The following FLACC1 variants were observed in gnomAD, a reference collection of about 807,000 sequenced individuals.
FLACC1 encodes the protein flagellum-associated coiled-coil domain-containing protein 1.
In FLACC1, 66 loss-of-function variants were observed where a neutral mutation model predicts 62.8. The ratio of observed to expected loss-of-function variants is 1.05; its 90% CI spans 0.86 to 1.29. The LOEUF is 1.29. Among genes scored for constraint, FLACC1 ranks in the 50% most tolerant of loss-of-function variants. The pLI is 0.00. For synonymous variants in FLACC1, 156 were observed against 161.0 expected (o/e 0.97, Z 0.24); for missense variants, 452 against 489.1 (o/e 0.92, Z 0.71).
chr2:201,310,154 G>A (rs188938225), intron 9 of FLACC1, among the ~76,000 whole-genome samples: 45 of 152,148 alleles, frequency 3.0e-4, no homozygotes, highest in Non-Finnish European at 3.2e-4. Flanking sequence ...GTCCAAGGAC[G>A]CTGACTGCCT....
At chr2:201,308,981 T>C (rs767284529) in intron 10 of FLACC1, among the ~76,000 whole-genome samples, 170 bp downstream of exon 10, 10 of 152,170 alleles carry the variant, frequency 6.6e-5, no homozygotes, top group Non-Finnish European at 1.5e-4. Flanking sequence ...GACCCTACCC[T>C]TGTTGTCATT....
chr2:201,338,764 C>T (rs1457211565), intron 7 of FLACC1, among the ~76,000 whole-genome samples: 2 of 152,026 alleles, frequency 1.3e-5, no homozygotes, highest in South Asian at 2.1e-4. Flanking sequence ...AAGTCCCACT[C>T]GGTCATGGTG....
upstream of FLACC1, among the ~76,000 whole-genome samples, chr2:201,359,292 G>A (rs1951164225): frequency 6.6e-6 from 1 of 152,218 alleles, no homozygotes; most frequent in South Asian, 2.1e-4. Flanking sequence ...TTTTGGATAT[G>A]TTGAGGTGCA....
chr2:201,335,251 A>G (rs1210490197), intron 7 of FLACC1, among the ~76,000 whole-genome samples: 1 of 150,546 alleles, frequency 6.6e-6, no homozygotes, highest in African/African-American at 2.4e-5. Context: ...ATTGATTTTT[A>G]TATTGTTTTT....
intron 11 of FLACC1, among the ~76,000 whole-genome samples, chr2:201,302,059 G>A (rs532223472): frequency 3.3e-5 from 5 of 152,222 alleles, no homozygotes; most frequent in African/African-American, 1.2e-4. Context: ...ACATCATATC[G>A]AGAGGATCAA....
At chr2:201,362,740 T>C in the FLACC1 span, among the ~76,000 whole-genome samples, 2 of 152,212 alleles carry the variant, frequency 1.3e-5, no homozygotes, top group African/African-American at 4.8e-5. Flanking sequence ...GACTCAGGAC[T>C]GAAAGCAGGG....
Position 201,351,414 on chromosome 2 carries a change from T to C in FLACC1, c.-10A>G, listed in dbSNP as rs1951026550. The C allele has an allele frequency of 6.3e-7, 1 of 1,595,922 alleles. No homozygotes were observed. Reference sequence around the variant, plus strand: ...GAGGGTTGGGGTACATGGCCAAAGGTCAGGGGGAGTCTTGGCTGCTAGATC... The same window carrying C: ...GAGGGTTGGGGTACATGGCCAAAGGCCAGGGGGAGTCTTGGCTGCTAGATC... On this transcript the variant is annotated 5_prime_UTR_variant, in exon 2 of 15. Coordinates refer to ENST00000392257, the MANE Select transcript of FLACC1 (RefSeq NM_001127391.3).
chr2:201,296,536 T>A (rs572647899), intron 12 of FLACC1, among the ~76,000 whole-genome samples: 17 of 138,266 alleles, frequency 1.2e-4, no homozygotes, highest in Admixed American at 9.3e-4. Flanking sequence ...GGGGGAGGGA[T>A]AGCATTAGGA....
chr2:201,309,257 A>C lies in FLACC1; in HGVS notation c.676-7T>G. On this transcript the variant is annotated splice_region_variant and splice_polypyrimidine_tract_variant and intron_variant, in intron 9 of 14. Transcript: ENST00000392257. ...TTTCATCATAAATACTGTCCTGGGG[A>C]GGTACAAAGGCACCATGAAGAAAAG... 1 of 1,600,250 alleles carries C rather than the reference A, an allele frequency of 6.2e-7. No individual in the cohort carries two copies. The highest frequency in any genetic ancestry group is 8.6e-7 in the Non-Finnish European group (1 of 1,168,270).
intron 12 of FLACC1, among the ~76,000 whole-genome samples, chr2:201,290,862 C>T (rs1053863566): frequency 2.6e-5 from 4 of 152,330 alleles, no homozygotes; most frequent in African/African-American, 7.2e-5. Context: ...TCTTAGCAAA[C>T]GGCACACCAG....
intron 7 of FLACC1, among the ~76,000 whole-genome samples, chr2:201,339,623 A>G (rs1022727307): frequency 2.6e-5 from 4 of 151,938 alleles, no homozygotes; most frequent in African/African-American, 9.7e-5. Flanking sequence ...TTGTTTCAAG[A>G]AATTTTTTTT....
intron 11 of FLACC1, among the ~76,000 whole-genome samples, chr2:201,300,988 T>A (rs1011959479): frequency 6.6e-6 from 1 of 152,106 alleles, no homozygotes; most frequent in Non-Finnish European, 1.5e-5. Context: ...CAGAGCAGAA[T>A]AGCTGAAAAT....
Position 201,309,220 on chromosome 2 carries a change from A to G in FLACC1, c.706T>C (p.Trp236Arg). 1.2e-6 allele frequency: 2 copies of G among 1,613,938 alleles called. No homozygotes were observed. Among genetic ancestry groups the G allele is most frequent in the Non-Finnish European group, 1.7e-6 (2 of 1,179,890 alleles). Residue 236 changes from tryptophan (W) to arginine (R), a missense_variant, in exon 10 of 15, where the codon TGG (tryptophan) becomes CGG (arginine). Around this residue, in one of 3 missense-constraint regions of FLACC1, gnomAD observed 301 missense variants for 318.4 expected, o/e 0.95. Transcript: ENST00000392257. ...TTCCATTTCGCCTTCTGTTTTGACC[A>G]CTTCTCTTCCATTTCATCATAAATA... is the stretch of plus-strand genomic sequence containing the variant. ...DSIYDEMEEK[W>R]SKQKAKWKKD...
intron 11 of FLACC1, among the ~76,000 whole-genome samples, chr2:201,303,108 C>CA (rs151059129): frequency 0.6 from 90,402 of 150,890 alleles, 27,337 homozygotes; most frequent in South Asian, 0.76. Context: ...GATAGAGACA[C>CA]AAAAACCCTT....
At chr2:201,359,646 C>A (rs1028952006), upstream of FLACC1, among the ~76,000 whole-genome samples, 1 of 152,114 alleles carries the variant, frequency 6.6e-6, no homozygotes, top group Non-Finnish European at 1.5e-5. Flanking sequence ...AGAGTTGGTG[C>A]AAAGATTCAG....
At chr2:201,312,854 C>T (rs915116118) in intron 9 of FLACC1, among the ~76,000 whole-genome samples, 3 of 152,282 alleles carry the variant, frequency 2.0e-5, no homozygotes, top group African/African-American at 4.8e-5. Flanking sequence ...GGATTGCTCC[C>T]GTAGGACCCG....
At chr2:201,364,191 T>C in the FLACC1 span, among the ~76,000 whole-genome samples, 5 of 151,962 alleles carry the variant, frequency 3.3e-5, no homozygotes, top group African/African-American at 1.2e-4. Context: ...CAGAAGTGAA[T>C]AGGGTTATAG....
chr2:201,291,083 G>A (rs1949723994), intron 12 of FLACC1, among the ~76,000 whole-genome samples: 1 of 152,220 alleles, frequency 6.6e-6, no homozygotes, highest in Non-Finnish European at 1.5e-5. Context: ...GCCTGCCTCT[G>A]TAGACTCCAC....
In FLACC1 at chr2:201,349,032, G is replaced by T. The variant is rs529835633; in HGVS notation, c.186-730C>A. 1.1e-4 allele frequency among the ~76,000 whole-genome samples: 16 copies of T among 152,290 alleles called. No individual in the cohort carries two copies. In the South Asian group the frequency reaches 3.3e-3, roughly 32 times the overall value. On this transcript the variant is annotated intron_variant, in intron 3 of 14. Coordinates refer to ENST00000392257, the MANE Select transcript of FLACC1 (RefSeq NM_001127391.3). ...TAATCTCTCCAACTGAAGGTCAGCTGATTAGCAACCTTAATTCCATCTGCA... is the reference window on the plus strand; with the variant it reads ...TAATCTCTCCAACTGAAGGTCAGCTTATTAGCAACCTTAATTCCATCTGCA...
Sources: allele counts gnomAD v4.1 joint callset (sites outside exome capture counted in the v4.1 genomes callset), GRCh38; gene constraint gnomAD v4.1.1; regional missense constraint gnomAD v4.1.1; transcripts MANE v1.5; gene names NCBI Gene and HGNC (gene_info 2026-07-23, HGNC 2026-07-21).